Variants in TBL1X observed in about 807,000 individuals in gnomAD.
TBL1X encodes transducin beta like 1 X-linked.
Under a neutral mutation model 50.7 loss-of-function variants are expected in TBL1X, and 10 were observed. That is an observed-to-expected ratio of 0.20 (90% CI 0.12 to 0.33). The LOEUF is 0.33. TBL1X is among the 10% of genes least tolerant of loss of function. The pLI is 1.00. For synonymous variants in TBL1X, 190 were observed against 214.7 expected (o/e 0.88, Z 1.01); for missense variants, 340 against 504.4 (o/e 0.67, Z 3.12).
chrX:9,543,600 C>T (rs1018918917), intron 2 of TBL1X, among the ~76,000 whole-genome samples: 6 of 110,896 alleles, frequency 5.4e-5, no homozygotes, highest in African/African-American at 2.0e-4. Context: ...TGCAAGTGAC[C>T]GCTCCTGCCC....
intron 3 of TBL1X, among the ~76,000 whole-genome samples, chrX:9,650,731 A>C (rs12014192): frequency 0.31 from 34,568 of 110,762 alleles, 4,147 homozygotes; most frequent in Non-Finnish European, 0.37. Flanking sequence ...TTACATTGTA[A>C]AACTTCAATT....
Position 9,684,109 on chromosome X carries a change from C to T in TBL1X, c.278C>T (p.Thr93Met), listed in dbSNP as rs1322211695. 8.3e-6 allele frequency: 10 copies of T among 1,209,681 alleles called. No individual in the cohort carries two copies. The highest frequency in any genetic ancestry group is 4.4e-5 in the Admixed American group (2 of 45,687). The part of the protein sequence containing the change: ...SHISQSNING[T>M]LVPPAALISI... Reference sequence around the variant, plus strand: ...ATCAGCCAGTCCAACATCAATGGGACGCTAGTGCCACCGGCCGCCCTCATC... The same window carrying T: ...ATCAGCCAGTCCAACATCAATGGGATGCTAGTGCCACCGGCCGCCCTCATC... The change falls in exon 6 of 18, where the codon ACG (threonine) becomes ATG (methionine). Residue 93 changes from threonine (T) to methionine (M), a missense_variant. Coordinates refer to ENST00000645353, the MANE Select transcript of TBL1X (RefSeq NM_005647.4).
intron 1 of TBL1X, among the ~76,000 whole-genome samples, chrX:9,480,728 C>A (rs2081876846): frequency 9.5e-6 from 1 of 105,516 alleles, no homozygotes; most frequent in African/African-American, 3.5e-5. Flanking sequence ...TTTGACAAAA[C>A]TTTCCAAAGT....
At chrX:9,491,354 T>TTTTTTTC (rs1491483344) in intron 1 of TBL1X, among the ~76,000 whole-genome samples, 1 of 87,020 alleles carries the variant, frequency 1.1e-5, no homozygotes, top group African/African-American at 4.3e-5. Flanking sequence ...TTTTTTTTTT[T>TTTTTTTC]CTTTGAGACA....
intron 1 of TBL1X, among the ~76,000 whole-genome samples, chrX:9,485,484 G>A (rs1456852046): frequency 9.0e-6 from 1 of 111,693 alleles, no homozygotes; most frequent in African/African-American, 3.3e-5. Flanking sequence ...AGTAGGTGAG[G>A]CAGGTTTTGA....
At chrX:9,567,674 C>G (rs1258875449) in intron 2 of TBL1X, among the ~76,000 whole-genome samples, 1 of 112,349 alleles carries the variant, frequency 8.9e-6, no homozygotes, top group Admixed American at 9.4e-5. Context: ...GCATACTGTT[C>G]TGACCACCAT....
At chrX:9,491,526 T>C (rs2081945268) in intron 1 of TBL1X, among the ~76,000 whole-genome samples, 1 of 106,653 alleles carries the variant, frequency 9.4e-6, no homozygotes, top group Non-Finnish European at 1.9e-5. Context: ...AAGTTCTTAA[T>C]AGCAGTGATC....
intron 1 of TBL1X, among the ~76,000 whole-genome samples, chrX:9,491,338 A>ATATATATT (rs1328551249): frequency 1.2e-3 from 37 of 31,274 alleles, no homozygotes; most frequent in African/African-American, 2.1e-3. Context: ...ATATATATAT[A>ATATATATT]TTTTTTTTTT....
At chrX:9,565,039 G>T (rs1202436677) in intron 2 of TBL1X, among the ~76,000 whole-genome samples, 1 of 110,246 alleles carries the variant, frequency 9.1e-6, no homozygotes, top group East Asian at 2.9e-4. Flanking sequence ...GGGAGGCCGA[G>T]GCGGGCGGGT....
intron 2 of TBL1X, among the ~76,000 whole-genome samples, chrX:9,554,336 T>TA (rs2082284948): frequency 8.9e-6 from 1 of 112,746 alleles, no homozygotes; most frequent in South Asian, 3.6e-4. Context: ...AATAAGCAGA[T>TA]ACTCTAGCAT....
intron 2 of TBL1X, among the ~76,000 whole-genome samples, chrX:9,593,374 C>G (rs2082511544): frequency 9.1e-6 from 1 of 109,378 alleles, no homozygotes; most frequent in Non-Finnish European, 1.9e-5. Flanking sequence ...TGCACTCCAG[C>G]CTGTGCAACA....
At chrX:9,550,729 T>G (rs1601750383) in intron 2 of TBL1X, among the ~76,000 whole-genome samples, 1 of 112,599 alleles carries the variant, frequency 8.9e-6, no homozygotes, top group South Asian at 3.7e-4. Context: ...TAGATTGTTC[T>G]GGTTTCAAGG....
At chrX:9,537,724 G>A (rs752423176) in intron 2 of TBL1X, among the ~76,000 whole-genome samples, 1 of 112,873 alleles carries the variant, frequency 8.9e-6, no homozygotes, top group Admixed American at 9.3e-5. Context: ...GAGGACACAT[G>A]GGTGGCTTTC....
chrX:9,583,608 T>C (rs1815600226), intron 2 of TBL1X, among the ~76,000 whole-genome samples: 1 of 112,193 alleles, frequency 8.9e-6, no homozygotes, highest in South Asian at 3.7e-4. Flanking sequence ...GCAGAATGCT[T>C]ATAGGAGCCA....
At chrX:9,621,959 A>C (rs1036076030) in intron 2 of TBL1X, among the ~76,000 whole-genome samples, 1 of 112,050 alleles carries the variant, frequency 8.9e-6, no homozygotes, top group African/African-American at 3.2e-5. Flanking sequence ...GAATCTGAAA[A>C]GAAAAAAGTC....
chrX:9,654,459 A>G (rs1482208512), intron 5 of TBL1X, 137 bp downstream of exon 5: 2 of 683,537 alleles, frequency 2.9e-6, no homozygotes, highest in Non-Finnish European at 4.4e-6. Flanking sequence ...TGATGGGGAG[A>G]AGAGAAGGTT....
intron 1 of TBL1X, among the ~76,000 whole-genome samples, chrX:9,484,916 TAAAAAA>T (rs760004328): frequency 2.4e-5 from 1 of 41,318 alleles, no homozygotes; most frequent in African/African-American, 9.2e-5. Context: ...ACCCTGGCAC[TAAAAAA>T]AAAAAAAAAA....
intron 2 of TBL1X, among the ~76,000 whole-genome samples, chrX:9,567,554 T>C: frequency 8.9e-6 from 1 of 111,822 alleles, no homozygotes. Context: ...GACGCTGGTG[T>C]CCCACTCAAA....
intron 2 of TBL1X, among the ~76,000 whole-genome samples, chrX:9,579,380 T>G (rs1193271717): frequency 8.9e-6 from 1 of 112,186 alleles, no homozygotes; most frequent in African/African-American, 3.2e-5. Context: ...GATTTCAATT[T>G]TTACCACTTC....
Sources: gnomAD v4.1 joint callset for allele counts (sites outside exome capture counted in the v4.1 genomes callset) on GRCh38, gnomAD v4.1.1 for gene constraint, MANE v1.5 for transcripts, NCBI Gene and HGNC (gene_info 2026-07-23, HGNC 2026-07-21) for gene names.